The following CERS6 variants were observed in gnomAD, a reference collection of about 807,000 sequenced individuals.
The protein encoded by CERS6 is LAG1 homolog, ceramide synthase 6.
Under a neutral mutation model 56.8 loss-of-function variants are expected in CERS6, and 26 were observed. The ratio of observed to expected loss-of-function variants is 0.46; its 90% confidence interval spans 0.34 to 0.63. The LOEUF (loss-of-function observed/expected upper bound fraction) is 0.63. CERS6 is among the 30% of genes least tolerant of loss of function. CERS6 has a pLI of 0.01. For missense variants in CERS6, 415 were observed against 467.5 expected (o/e 0.89, Z 1.04); for synonymous variants, 164 against 173.3 (o/e 0.95, Z 0.42).
chr2:168,674,336 C>T (rs1685999436), intron 4 of CERS6, among the ~76,000 whole-genome samples: 2 of 152,112 alleles, frequency 1.3e-5, no homozygotes, highest in African/African-American at 4.8e-5. Flanking sequence ...TCTCAAAGGC[C>T]ATCCCTTTTC....
intron 3 of CERS6, among the ~76,000 whole-genome samples, chr2:168,590,181 A>G (rs115503771): frequency 6.6e-6 from 1 of 152,188 alleles, no homozygotes; most frequent in Non-Finnish European, 1.5e-5. Flanking sequence ...TTGCTGTGAA[A>G]TTCCTTTCAC....
Position 168,691,136 on chromosome 2 carries a change from G to A in CERS6, c.516+52G>A, listed in dbSNP as rs777966902. On this transcript the variant is annotated intron_variant, in intron 5 of 9. Transcript: ENST00000305747. ...TTACACACATTAAGTATCTACCTTCGGTCAATTTCATGGTCTCAGGCAGGC... is the reference window on the plus strand; with the variant it reads ...TTACACACATTAAGTATCTACCTTCAGTCAATTTCATGGTCTCAGGCAGGC... The A allele has an allele frequency of 5.1e-5, 80 of 1,553,692 alleles. No individual in the cohort carries two copies. The East Asian group carries it at 7.9e-4, about 15-fold the overall frequency.
At chr2:168,737,797 A>G (rs1333686382) in intron 8 of CERS6, among the ~76,000 whole-genome samples, 1 of 152,252 alleles carries the variant, frequency 6.6e-6, no homozygotes, top group Non-Finnish European at 1.5e-5. Flanking sequence ...TACAGTTTAT[A>G]AACAGCTTTT....
At chr2:168,744,510 T>C (rs1326117706) in intron 8 of CERS6, among the ~76,000 whole-genome samples, 1 of 152,212 alleles carries the variant, frequency 6.6e-6, no homozygotes. Context: ...CCTGGGAGGA[T>C]AAGCGTAAGC....
chr2:168,464,174 TTGTGTGTGTGTGTGTG>T (rs35372610), intron 1 of CERS6, among the ~76,000 whole-genome samples: 22 of 139,696 alleles, frequency 1.6e-4, no homozygotes, highest in Admixed American at 1.5e-3. Context: ...TTTATACTTT[TTGTGTGTGTGTGTGTG>T]TGTGTGTGTG....
intron 9 of CERS6, among the ~76,000 whole-genome samples, chr2:168,765,960 T>C (rs1684720677): frequency 6.6e-6 from 1 of 152,156 alleles, no homozygotes; most frequent in South Asian, 2.1e-4. Flanking sequence ...CATTTGTAAT[T>C]TTAGACTTAA....
intron 8 of CERS6, among the ~76,000 whole-genome samples, chr2:168,738,922 T>G (rs1330670247): frequency 6.6e-6 from 1 of 152,100 alleles, no homozygotes; most frequent in African/African-American, 2.4e-5. Context: ...AGTCTCACTC[T>G]GTTGCCAGGC....
At chr2:168,728,375 A>T (rs1451768319) in intron 8 of CERS6, among the ~76,000 whole-genome samples, 1 of 150,008 alleles carries the variant, frequency 6.7e-6, no homozygotes, top group Non-Finnish European at 1.5e-5. Context: ...GGAAAAAAAA[A>T]ATGCAACTAC....
chr2:168,713,604 T>G (rs1187017762), intron 6 of CERS6, among the ~76,000 whole-genome samples: 1 of 152,172 alleles, frequency 6.6e-6, no homozygotes, highest in Non-Finnish European at 1.5e-5. Context: ...GAGGTTCCCT[T>G]GAAGCCGACC....
At chr2:168,600,190 T>TTTTC (rs375169890) in intron 3 of CERS6, among the ~76,000 whole-genome samples, 2 of 138,024 alleles carry the variant, frequency 1.4e-5, no homozygotes, top group African/African-American at 5.5e-5. Context: ...ACTACCATAT[T>TTTTC]TCTCTCTCTC....
intron 4 of CERS6, among the ~76,000 whole-genome samples, chr2:168,685,903 G>C (rs905941564): frequency 6.6e-6 from 1 of 151,758 alleles, no homozygotes. Context: ...GATTGAGAGA[G>C]TTAGAGGTAA....
chr2:168,576,355 T>G (rs929277689), intron 3 of CERS6, among the ~76,000 whole-genome samples: 2 of 152,174 alleles, frequency 1.3e-5, no homozygotes. Flanking sequence ...AGGACTGATT[T>G]GCAATGTGTT....
At chr2:168,549,838 A>G (rs1695534675) in intron 2 of CERS6, among the ~76,000 whole-genome samples, 1 of 152,100 alleles carries the variant, frequency 6.6e-6, no homozygotes, top group African/African-American at 2.4e-5. Flanking sequence ...ATGAAATGTA[A>G]CCAATCAGTT....
intron 6 of CERS6, among the ~76,000 whole-genome samples, chr2:168,700,798 G>A (rs1350511517): frequency 6.6e-6 from 1 of 152,164 alleles, no homozygotes; most frequent in African/African-American, 2.4e-5. Flanking sequence ...GTGTAAATAA[G>A]TAAATAAGTA....
chr2:168,739,170 A>G (rs1683816489), intron 8 of CERS6, among the ~76,000 whole-genome samples: 1 of 148,076 alleles, frequency 6.8e-6, no homozygotes, highest in South Asian at 2.1e-4. Context: ...CGGCCTCCCA[A>G]AGTGCTAGGA....
chr2:168,744,867 T>G (rs1262616554), intron 8 of CERS6, among the ~76,000 whole-genome samples: 2 of 152,194 alleles, frequency 1.3e-5, no homozygotes, highest in East Asian at 3.8e-4. Flanking sequence ...CTTACAGAAG[T>G]GGTTCCCAAA....
chr2:168,694,850 T>G, intron 5 of CERS6, 109 bp from the exon 6 acceptor site: 5 of 784,750 alleles, frequency 6.4e-6, no homozygotes, highest in Non-Finnish European at 8.7e-6. Flanking sequence ...ACTGCCTTTG[T>G]GCAGGTGCAA....
intron 6 of CERS6, among the ~76,000 whole-genome samples, chr2:168,714,397 T>C (rs1326233232): frequency 6.6e-6 from 1 of 152,194 alleles, no homozygotes; most frequent in Admixed American, 6.5e-5. Context: ...GACCTTAACC[T>C]ACTGTCCCTT....
At chr2:168,504,864 G>A (rs1694647801) in intron 1 of CERS6, among the ~76,000 whole-genome samples, 1 of 152,108 alleles carries the variant, frequency 6.6e-6, no homozygotes, top group Non-Finnish European at 1.5e-5. Flanking sequence ...ATTAGGTAGA[G>A]GTTTGTTGGG....
Sources: gnomAD v4.1 joint callset for allele counts (sites outside exome capture counted in the v4.1 genomes callset) on GRCh38, gnomAD v4.1.1 for gene constraint, MANE v1.5 for transcripts, NCBI Gene and HGNC (gene_info 2026-07-23, HGNC 2026-07-21) for gene names.